Variants in SCAI observed in about 807,000 individuals in gnomAD.
SCAI encodes protein SCAI.
In SCAI, 24 loss-of-function variants were observed where a neutral mutation model predicts 92.2. The observed-to-expected ratio is 0.26, with a 90% CI of 0.19 to 0.37. The LOEUF is 0.37. Ranked by LOEUF, SCAI falls within the 10% of genes least tolerant of loss-of-function variation. The probability of loss-of-function intolerance (pLI) is 1.00; values close to 1 mark genes in which losing one functional copy is unlikely to be tolerated. For missense variants in SCAI, 450 were observed against 736.2 expected, an observed-to-expected ratio of 0.61 and a Z score of 4.50; for synonymous variants, 261 against 258.6, an observed-to-expected ratio of 1.01 and a Z score of -0.09.
chr9:125,011,851 G>A (rs1832647636), intron 9 of SCAI, among the ~76,000 whole-genome samples: 1 of 152,216 alleles, frequency 6.6e-6, no homozygotes, highest in Non-Finnish European at 1.5e-5. Flanking sequence ...AACTCTACAA[G>A]CCAGAAGAGA....
chr9:125,063,591 G>GTATGGAAAATACA (rs1833819063), intron 2 of SCAI, among the ~76,000 whole-genome samples: 1 of 151,938 alleles, frequency 6.6e-6, no homozygotes, highest in Non-Finnish European at 1.5e-5. Context: ...GTAAGTCAAA[G>GTATGGAAAATACA]TATGGAAAAT....
At chr9:125,118,362 A>T (rs1327843106) in intron 2 of SCAI, among the ~76,000 whole-genome samples, 1 of 151,996 alleles carries the variant, frequency 6.6e-6, no homozygotes, top group Non-Finnish European at 1.5e-5. Context: ...AAATAAAAAT[A>T]AAAAAATTAA....
chr9:125,054,451 A>C (rs1046153119), intron 3 of SCAI, among the ~76,000 whole-genome samples: 1 of 151,912 alleles, frequency 6.6e-6, no homozygotes, highest in African/African-American at 2.4e-5. Flanking sequence ...TGTTAGCTTT[A>C]TCTCTGAATT....
At chr9:125,000,772 T>C (rs1336002631) in intron 12 of SCAI, among the ~76,000 whole-genome samples, 1 of 152,150 alleles carries the variant, frequency 6.6e-6, no homozygotes, top group African/African-American at 2.4e-5. Context: ...CCTTTAAGAA[T>C]GTATTGCCAG....
intron 2 of SCAI, among the ~76,000 whole-genome samples, chr9:125,087,859 T>C (rs1834355571): frequency 6.6e-6 from 1 of 152,204 alleles, no homozygotes; most frequent in Admixed American, 6.5e-5. Context: ...GATTAAATGA[T>C]GTGATACCTA....
At position 124,950,178 on chromosome 9, in the gene SCAI, A is replaced by C. The variant is rs1191278229; in HGVS notation, c.*2629T>G. On this transcript the variant is annotated 3_prime_UTR_variant, in exon 18 of 18. Coordinates refer to ENST00000336505, the MANE Select transcript of SCAI (RefSeq NM_001144877.3). ...AGGTAAATATGACTTACAAAAGAAA[A>C]GGTTGTGTACACTACAAACAGGGTA... 1.3e-5 allele frequency: 2 copies of C among 152,130 alleles called. No homozygotes were observed. Among genetic ancestry groups the C allele is most frequent in the Non-Finnish European group, 2.9e-5 (2 of 68,022 alleles). The allele number at this position is 152,130 out of a possible 1,614,324, so 9.4% of individuals were successfully genotyped here.
chr9:125,027,425 C>A, intron 5 of SCAI, among the ~76,000 whole-genome samples: 1 of 152,162 alleles, frequency 6.6e-6, no homozygotes, highest in African/African-American at 2.4e-5. Flanking sequence ...ATATTCTACC[C>A]AAGAGAGTGA....
intron 9 of SCAI, among the ~76,000 whole-genome samples, chr9:125,013,176 A>G (rs923246313): frequency 5.3e-5 from 8 of 151,718 alleles, no homozygotes; most frequent in African/African-American, 1.9e-4. Flanking sequence ...AAATAACTAA[A>G]ATCAGAGCAG....
rs1182896735 is a variant in SCAI, at chr9:124,944,593, T to A, written c.*8214A>T. The A allele has an allele frequency of 1.3e-5, 2 of 151,550 alleles. No individual in the cohort carries two copies. The highest frequency in any genetic ancestry group is 4.8e-5 in the African/African-American group (2 of 41,274). 9.4% of individuals were successfully genotyped at this position (151,550 alleles called of 1,614,324 possible). A position where few individuals can be genotyped will look rare whatever the true frequency, so the allele number is the denominator to read the frequency against. On this transcript the variant is annotated 3_prime_UTR_variant, in exon 18 of 18. Coordinates refer to ENST00000336505, the MANE Select transcript of SCAI (RefSeq NM_001144877.3). The stretch of plus-strand genomic sequence containing the variant: ...TGCTAAAACACTAAGCAATTTTTCC[T>A]GCAGATTTTTAATTTACCACAGTAC...
rs1564409267 is a variant in SCAI, at chr9:125,091,735, TCTC to T, written c.99-35731_99-35729del. Among the ~76,000 whole-genome samples the T allele has an allele frequency of 6.6e-6, 1 of 152,104 alleles. No homozygotes were observed. Among genetic ancestry groups the T allele is most frequent in the African/African-American group, 2.4e-5 (1 of 41,412 alleles). ...CTTTCCAGAGCCCTATCTCACACTT[TCTC>T]TTCTCTCCTCAAACATCCAACATCT... On this transcript the variant is annotated intron_variant, in intron 2 of 17. Transcript: ENST00000336505. This position sits in a 1 kb window ranked among gnomAD's most constrained non-coding sequence, Gnocchi z 4.3.
chr9:125,081,579 T>C (rs908178609), intron 2 of SCAI, among the ~76,000 whole-genome samples: 1 of 152,138 alleles, frequency 6.6e-6, no homozygotes, highest in South Asian at 2.1e-4. Flanking sequence ...CAGTTTTGTT[T>C]TGTTTTGTTT....
intron 2 of SCAI, among the ~76,000 whole-genome samples, chr9:125,135,971 C>CAAAAAAAAAAA: frequency 1.2e-5 from 1 of 81,098 alleles, no homozygotes; most frequent in East Asian, 3.9e-4. Flanking sequence ...CCATCTCAAA[C>CAAAAAAAAAAA]AAAAAAAAAA....
chr9:124,984,024 G>T (rs1193863900), intron 14 of SCAI, among the ~76,000 whole-genome samples: 4 of 152,204 alleles, frequency 2.6e-5, no homozygotes, highest in African/African-American at 9.7e-5. Context: ...TTAAGAAAAA[G>T]AAAGGTGGAT....
rs1376749562 is a variant in SCAI at position 125,076,047 on chromosome 9, TGG to T, written c.99-20042_99-20041del. On this transcript the variant is annotated intron_variant, in intron 2 of 17. Coordinates refer to ENST00000336505, the MANE Select transcript of SCAI (RefSeq NM_001144877.3). ...TCATATACAAAGATGAGAGCAACAG[TGG>T]CCAACAGTCTGTGTATGTAGTATAA... 2.0e-5 allele frequency among the ~76,000 whole-genome samples: 3 copies of T among 152,092 alleles called. No individual in the cohort carries two copies. In the East Asian group the frequency reaches 5.8e-4, roughly 29 times the overall value.
At chr9:125,056,604 C>T (rs565478064) in intron 2 of SCAI, among the ~76,000 whole-genome samples, 80 of 152,282 alleles carry the variant, frequency 5.3e-4, no homozygotes, top group African/African-American at 1.9e-3. Flanking sequence ...ATGTTCTAGG[C>T]ATTCCTCTAC....
chr9:124,997,977 T>A (rs1032369043), intron 13 of SCAI, among the ~76,000 whole-genome samples: 5 of 152,104 alleles, frequency 3.3e-5, no homozygotes, highest in Admixed American at 2.6e-4. Context: ...AATTTTTTTT[T>A]AAGTTTTTGT....
intron 17 of SCAI, among the ~76,000 whole-genome samples, chr9:124,953,804 T>C (rs1011373949): frequency 1.4e-4 from 22 of 152,222 alleles, no homozygotes; most frequent in Admixed American, 1.2e-3. Flanking sequence ...TTCTGTACAT[T>C]TCATGCAACA....
intron 17 of SCAI, among the ~76,000 whole-genome samples, chr9:124,960,953 C>CA (rs1233658985): frequency 1.3e-5 from 2 of 151,822 alleles, no homozygotes; most frequent in Admixed American, 1.3e-4. Context: ...CCCATCTCTA[C>CA]AAAAAAATTT....
At chr9:125,079,971 A>G (rs1834177364) in intron 2 of SCAI, among the ~76,000 whole-genome samples, 1 of 152,192 alleles carries the variant, frequency 6.6e-6, no homozygotes, top group South Asian at 2.1e-4. Flanking sequence ...TGTGAATTCT[A>G]AAAGGTACCT....
Sources: gnomAD v4.1 joint callset for allele counts (sites outside exome capture counted in the v4.1 genomes callset) on GRCh38, gnomAD v4.1.1 for gene constraint, Gnocchi (gnomAD v3.1) non-coding constraint, MANE v1.5 for transcripts, NCBI Gene and HGNC (gene_info 2026-07-23, HGNC 2026-07-21) for gene names.